The following MIX23 variants were observed in gnomAD, a reference collection of about 807,000 sequenced individuals.
MIX23 encodes the protein mitochondrial matrix import factor 23.
In MIX23, 13 loss-of-function variants were observed where a neutral mutation model predicts 21.6. The observed-to-expected ratio is 0.60, with a 90% CI of 0.39 to 0.96. MIX23 has a LOEUF of 0.96. Among genes scored for constraint, MIX23 ranks in the 40% least tolerant of loss-of-function variants. The pLI is 0.00. For missense variants in MIX23, 144 were observed against 171.2 expected (o/e 0.84, Z 0.89); for synonymous variants, 59 against 58.0 (o/e 1.02, Z -0.08).
rs1227874112 is a variant in MIX23, at chr3:122,370,338, T to C, written c.177+1337A>G. Among the ~76,000 whole-genome samples the C allele has an allele frequency of 9.3e-5, 14 of 151,132 alleles. No homozygotes were observed. The South Asian group carries it at 2.7e-3, about 29-fold the overall frequency. Reference sequence around the variant, plus strand: ...CAGGCATGGTAGCGTGTGCCTGTAGTCCCAGCTACTTGGGAGGCTGAGGTG... The same window carrying C: ...CAGGCATGGTAGCGTGTGCCTGTAGCCCCAGCTACTTGGGAGGCTGAGGTG... On this transcript the variant is annotated intron_variant, in intron 2 of 4. Coordinates refer to ENST00000291458, the MANE Select transcript of MIX23 (RefSeq NM_001017928.4).
chr3:122,364,890 C>G (rs2075385690), intron 3 of MIX23, among the ~76,000 whole-genome samples: 1 of 152,162 alleles, frequency 6.6e-6, no homozygotes, highest in Admixed American at 6.5e-5. Flanking sequence ...CTCCATTTTA[C>G]AGATTCAAAA....
chr3:122,369,749 T>C lies in MIX23; in HGVS notation c.178-1427A>G, dbSNP rs142183474. 2.0e-5 allele frequency among the ~76,000 whole-genome samples: 3 copies of C among 152,296 alleles called. No homozygotes were observed. The East Asian group carries it at 5.8e-4, about 29-fold the overall frequency. On this transcript the variant is annotated intron_variant, in intron 2 of 4. Transcript: ENST00000291458. ...CCTGTTAAAAAAAAAATGATAGCAG[T>C]AGCAGCAAACATTTTTTTGAGACAG...
chr3:122,378,282 T>C (rs528345821), intron 1 of MIX23, among the ~76,000 whole-genome samples: 1 of 152,374 alleles, frequency 6.6e-6, no homozygotes, highest in Middle Eastern at 3.4e-3. Flanking sequence ...TTGAACACTT[T>C]AGCCCGATTC....
At chr3:122,373,543 G>A (rs2075459458) in intron 1 of MIX23, among the ~76,000 whole-genome samples, 1 of 152,082 alleles carries the variant, frequency 6.6e-6, no homozygotes, top group South Asian at 2.1e-4. Context: ...CAAAGTGCTG[G>A]GATTACAGGC....
chr3:122,378,438 T>C (rs1279532003), intron 1 of MIX23, among the ~76,000 whole-genome samples: 1 of 152,258 alleles, frequency 6.6e-6, no homozygotes, highest in African/African-American at 2.4e-5. Flanking sequence ...TAGTGCTTAA[T>C]GACAAGGAAA....
chr3:122,373,030 C>T (rs1464415525), intron 1 of MIX23: 6 of 404,286 alleles, frequency 1.5e-5, no homozygotes, highest in Admixed American at 8.2e-5. Flanking sequence ...TTTCTTTCCT[C>T]GTCCATTTGT....
At chr3:122,374,101 T>C (rs2075464272) in intron 1 of MIX23, among the ~76,000 whole-genome samples, 2 of 126,372 alleles carry the variant, frequency 1.6e-5, no homozygotes, top group African/African-American at 7.0e-5. Flanking sequence ...ATGACTGGCC[T>C]ATTTTTTTTT....
At chr3:122,362,837 TTGTAAA>T (rs2075368536) in intron 4 of MIX23, 125 bp downstream of exon 4, 2 of 331,810 alleles carry the variant, frequency 6.0e-6, no homozygotes, top group South Asian at 7.8e-5. Context: ...CAATCCTCAA[TTGTAAA>T]TGTAAACGAG....
intron 1 of MIX23, among the ~76,000 whole-genome samples, chr3:122,374,977 A>C (rs2075472406): frequency 6.6e-6 from 1 of 152,196 alleles, no homozygotes; most frequent in African/African-American, 2.4e-5. Flanking sequence ...CGATAGGAAC[A>C]TCTGGGCTGG....
intron 3 of MIX23, among the ~76,000 whole-genome samples, chr3:122,365,847 CA>C (rs2075392799): frequency 6.6e-6 from 1 of 152,118 alleles, no homozygotes; most frequent in South Asian, 2.1e-4. Flanking sequence ...ATACAAACTC[CA>C]AAATTACTAG....
intron 3 of MIX23, 166 bp downstream of exon 3, chr3:122,368,006 ATAAC>A (rs2075409620): frequency 4.9e-6 from 3 of 611,490 alleles, no homozygotes; most frequent in Non-Finnish European, 8.5e-6. Context: ...TTACCAATTA[ATAAC>A]TAAACATAAT....
At chr3:122,366,174 T>C (rs2075395208) in intron 3 of MIX23, among the ~76,000 whole-genome samples, 1 of 144,866 alleles carries the variant, frequency 6.9e-6, no homozygotes, top group Non-Finnish European at 1.5e-5. Context: ...CGAGACTCCA[T>C]CTCAAAAATA....
chr3:122,377,692 A>G (rs1164812815), intron 1 of MIX23, among the ~76,000 whole-genome samples: 1 of 152,144 alleles, frequency 6.6e-6, no homozygotes. Context: ...CAACAAAAGT[A>G]AAAAATTTAG....
intron 1 of MIX23, among the ~76,000 whole-genome samples, chr3:122,375,711 G>A (rs2075481131): frequency 6.6e-6 from 1 of 152,084 alleles, no homozygotes; most frequent in African/African-American, 2.4e-5. Flanking sequence ...ATATTGGTAA[G>A]CATGCAGAGA....
chr3:122,376,427 G>A (rs1452892356), intron 1 of MIX23, among the ~76,000 whole-genome samples: 1 of 151,950 alleles, frequency 6.6e-6, no homozygotes, highest in Admixed American at 6.6e-5. Context: ...AGACCAGCTT[G>A]GACAACACGG....
intron 2 of MIX23, among the ~76,000 whole-genome samples, chr3:122,370,299 CA>C (rs200550106): frequency 6.6e-6 from 1 of 150,992 alleles, no homozygotes; most frequent in Non-Finnish European, 1.5e-5. Context: ...CCAAAAAATA[CA>C]AAAAAAATCA....
At position 122,368,879 on chromosome 3, in the gene MIX23, T is replaced by C. The variant is rs116080550; in HGVS notation, c.178-557A>G. 8.8e-3 allele frequency among the ~76,000 whole-genome samples: 1,345 copies of C among 152,334 alleles called. 13 individuals are homozygous for C. Among genetic ancestry groups the C allele is most frequent in the Middle Eastern group, 0.02 (6 of 294 alleles). On this transcript the variant is annotated intron_variant, in intron 2 of 4. Transcript: ENST00000291458. ...CAGAGCCCTTTTCAAGATTATAAAA[T>C]ATAAGTATTGATAAGGAAAACTTAT... is the stretch of plus-strand genomic sequence containing the variant.
intron 1 of MIX23, among the ~76,000 whole-genome samples, chr3:122,374,609 T>C (rs1032812607): frequency 6.6e-6 from 1 of 152,170 alleles, no homozygotes; most frequent in African/African-American, 2.4e-5. Context: ...TTCAACTATC[T>C]TCGATCCACG....
chr3:122,372,224 CAAAAAAAAAAAAA>C (rs55800173), intron 1 of MIX23, among the ~76,000 whole-genome samples: 1 of 46,104 alleles, frequency 2.2e-5, no homozygotes, highest in Non-Finnish European at 4.0e-5. Context: ...CTCCAACTCT[CAAAAAAAAAAAAA>C]AAAAAAAAAA....
Sources: gnomAD v4.1 joint callset for allele counts (sites outside exome capture counted in the v4.1 genomes callset) on GRCh38, gnomAD v4.1.1 for gene constraint, MANE v1.5 for transcripts, NCBI Gene and HGNC (gene_info 2026-07-23, HGNC 2026-07-21) for gene names.